The following TNRC6B variants were observed in gnomAD, a reference collection of about 807,000 sequenced individuals.
TNRC6B encodes the protein trinucleotide repeat-containing gene 6B protein.
In TNRC6B, 52 loss-of-function variants were observed where a neutral mutation model predicts 203.6. The observed-to-expected ratio is 0.26, with a 90% confidence interval of 0.20 to 0.32. TNRC6B has a LOEUF of 0.32. TNRC6B is among the 10% of genes least tolerant of loss of function. The pLI is 1.00. For synonymous variants in TNRC6B, 838 were observed against 845.7 expected (o/e 0.99, Z 0.16); for missense variants, 1,923 against 2,286.2 (o/e 0.84, Z 3.24).
At chr22:40,081,152 C>T (rs1246090012) in intron 1 of TNRC6B, among the ~76,000 whole-genome samples, 3 of 152,186 alleles carry the variant, frequency 2.0e-5, no homozygotes, top group South Asian at 4.1e-4. Flanking sequence ...TGAGCCACCA[C>T]GCTCAGCCCA....
intron 1 of TNRC6B, among the ~76,000 whole-genome samples, chr22:40,049,267 A>G (rs1476181562): frequency 6.6e-6 from 1 of 151,488 alleles, no homozygotes; most frequent in African/African-American, 2.4e-5. Context: ...GCTGGTCTCA[A>G]ACTCCCACCT....
At chr22:40,096,704 G>A (rs969233023) in intron 1 of TNRC6B, among the ~76,000 whole-genome samples, 4 of 152,026 alleles carry the variant, frequency 2.6e-5, no homozygotes, top group African/African-American at 4.8e-5. Flanking sequence ...ATATGCCAAC[G>A]AATGTCTATA....
At position 40,315,500 on chromosome 22, in the gene TNRC6B, C is replaced by G. The variant is rs371024839; in HGVS notation, c.4896C>G (p.Leu1632=). The part of the protein sequence containing the change: ...VRGWGTQDSR[L]ASASTWSDGG... The stretch of plus-strand genomic sequence containing the variant: ...GGTGGGGGACACAGGACTCACGGCT[C>G]GCCTCGGGTGAGGAGGATCTGCCTA... The change falls in exon 20 of 23, where the codon CTC becomes CTG. Residue 1632 remains leucine (L), a synonymous_variant. Coordinates refer to ENST00000454349, the MANE Select transcript of TNRC6B (RefSeq NM_001162501.2). 5 of 1,613,854 alleles carry G rather than the reference C, an allele frequency of 3.1e-6. No homozygotes were observed. The African/African-American group carries it at 5.3e-5, about 17-fold the overall frequency.
intron 1 of TNRC6B, among the ~76,000 whole-genome samples, chr22:40,203,135 G>C (rs1654049105): frequency 6.6e-6 from 1 of 152,084 alleles, no homozygotes. Context: ...AGTAGTTATT[G>C]GTGATCACAT....
chr22:40,078,844 T>C (rs113404301), intron 1 of TNRC6B, among the ~76,000 whole-genome samples: 6,698 of 151,636 alleles, frequency 0.044, 448 homozygotes, highest in African/African-American at 0.14. Flanking sequence ...GAGGCCGAGG[T>C]GGGTGGATCA....
chr22:40,069,573 C>T (rs566719371), intron 1 of TNRC6B, among the ~76,000 whole-genome samples: 8 of 151,118 alleles, frequency 5.3e-5, no homozygotes, highest in Admixed American at 1.3e-4. Flanking sequence ...CCGCAACCTC[C>T]GCCTCCTAGG....
At chr22:40,140,829 TG>T (rs2068638020) in intron 3 of TNRC6B, among the ~76,000 whole-genome samples, 1 of 151,968 alleles carries the variant, frequency 6.6e-6, no homozygotes, top group Non-Finnish European at 1.5e-5. Flanking sequence ...TTAGTAGAGA[TG>T]GGGTTTCACC....
intron 3 of TNRC6B, among the ~76,000 whole-genome samples, chr22:40,131,062 C>A (rs1385885517): frequency 1.3e-5 from 2 of 151,582 alleles, no homozygotes; most frequent in Non-Finnish European, 2.9e-5. Context: ...TGCCGCCACG[C>A]CCGGATAATT....
rs530194606 is a variant in TNRC6B, at chr22:40,167,572, T to C, written c.113+11390T>C. ...TTAAAAATGGTTAAGATGATCAGTT[T>C]TTTGTGTTTTTTTAACCACAATAAA... On this transcript the variant is annotated intron_variant, in intron 4 of 23. Transcript: ENST00000301923. 2.3e-4 allele frequency among the ~76,000 whole-genome samples: 35 copies of C among 152,148 alleles called. No homozygotes were observed. In the South Asian group the frequency reaches 7.1e-3, roughly 31 times the overall value.
In TNRC6B at chr22:40,265,419, G is replaced by A; in HGVS notation, c.1189G>A (p.Gly397Arg). The A allele has an allele frequency of 6.2e-7, 1 of 1,614,022 alleles. No individual in the cohort carries two copies. Residue 397 changes from glycine (G) to arginine (R), a missense_variant, in exon 5 of 23, where the codon GGA (glycine) becomes AGA (arginine). By Grantham distance (125) the Gly-to-Arg change is moderately radical. Coordinates refer to ENST00000454349, the MANE Select transcript of TNRC6B (RefSeq NM_001162501.2). ...CATGGAGAATAAGGGAATGCCCTTT[G>A]GAATGGGCTTGGGGAACACCTCCAG... ...NPMENKGMPF[G>R]MGLGNTSRST...
Position 40,280,121 on chromosome 22 carries a change from A to G in TNRC6B, c.3389A>G (p.Asp1130Gly). The G allele has an allele frequency of 6.2e-7, 1 of 1,613,466 alleles. No homozygotes were observed. Among genetic ancestry groups the G allele is most frequent in the Non-Finnish European group, 8.5e-7 (1 of 1,179,502 alleles). Reference sequence around the variant, plus strand: ...AATTCCAAAGACATGGGAACCACAGATAGTGGGCCTTATTTTGAGAAGGTG... The same window carrying G: ...AATTCCAAAGACATGGGAACCACAGGTAGTGGGCCTTATTTTGAGAAGGTG... ...PPNSKDMGTT[D>G]SGPYFEKLTL... Residue 1130 changes from aspartate (D) to glycine (G), a missense_variant, in exon 10 of 23, where the codon GAT (aspartate) becomes GGT (glycine). Asp to Gly is a moderately conservative substitution (Grantham distance 94). Coordinates refer to ENST00000454349, the MANE Select transcript of TNRC6B (RefSeq NM_001162501.2).
chr22:40,302,030 G>GA (rs1471105148), intron 15 of TNRC6B, among the ~76,000 whole-genome samples: 3 of 152,028 alleles, frequency 2.0e-5, no homozygotes, highest in East Asian at 1.9e-4. Context: ...GCCTTCTATA[G>GA]AAAAAATGAA....
chr22:40,302,363 G>A (rs527946585), intron 15 of TNRC6B, among the ~76,000 whole-genome samples: 36 of 152,198 alleles, frequency 2.4e-4, no homozygotes, highest in South Asian at 4.1e-4. Context: ...GGCCGCGCGC[G>A]GTGACTCACA....
chr22:40,275,793 T>C (rs2070633817), intron 7 of TNRC6B, among the ~76,000 whole-genome samples: 2 of 152,134 alleles, frequency 1.3e-5, no homozygotes, highest in South Asian at 4.1e-4. Flanking sequence ...ACCCCGTCTC[T>C]ACTAAACCTA....
At chr22:40,264,450 A>G (rs915322863) in intron 4 of TNRC6B, among the ~76,000 whole-genome samples, 3 of 152,172 alleles carry the variant, frequency 2.0e-5, no homozygotes, top group Admixed American at 6.5e-5. Flanking sequence ...TTCTCTGTCA[A>G]TAGGAATGGC....
intron 1 of TNRC6B, among the ~76,000 whole-genome samples, chr22:40,221,367 A>G (rs2069705912): frequency 6.6e-6 from 1 of 152,168 alleles, no homozygotes; most frequent in Non-Finnish European, 1.5e-5. Context: ...ATAAATGCAG[A>G]TACGTTTAGT....
chr22:40,305,225 G>T (rs146768747), intron 15 of TNRC6B, among the ~76,000 whole-genome samples: 1 of 152,198 alleles, frequency 6.6e-6, no homozygotes, highest in Non-Finnish European at 1.5e-5. Context: ...CAGGCAAGGG[G>T]CATGTCTTAC....
chr22:40,150,955 A>T (rs1303150998), intron 3 of TNRC6B, among the ~76,000 whole-genome samples: 3 of 152,112 alleles, frequency 2.0e-5, no homozygotes, highest in Admixed American at 1.3e-4. Context: ...TCCTACACAC[A>T]CATACACCCA....
At chr22:40,242,933 A>C (rs2070051774) in intron 1 of TNRC6B, among the ~76,000 whole-genome samples, 1 of 151,694 alleles carries the variant, frequency 6.6e-6, no homozygotes. Context: ...GCAGTGGCGT[A>C]ATCTTGGCTA....
Sources: allele counts gnomAD v4.1 joint callset (sites outside exome capture counted in the v4.1 genomes callset), GRCh38; gene constraint gnomAD v4.1.1; transcripts MANE v1.5; gene names NCBI Gene and HGNC (gene_info 2026-07-23, HGNC 2026-07-21).